The following ERBB4 variants were observed in gnomAD, a reference collection of about 807,000 sequenced individuals.
The protein encoded by ERBB4 is receptor tyrosine-protein kinase erbB-4.
Under a neutral mutation model 158.0 loss-of-function variants are expected in ERBB4, and 42 were observed. The observed-to-expected ratio is 0.27, with a 90% confidence interval of 0.21 to 0.34. The LOEUF is 0.34. Among genes scored for constraint, ERBB4 ranks in the 10% least tolerant of loss-of-function variants. The pLI is 1.00. For synonymous variants in ERBB4, 583 were observed against 558.7 expected, an observed-to-expected ratio of 1.04 and a Z score of -0.61; for missense variants, 1,333 against 1,624.1, an observed-to-expected ratio of 0.82 and a Z score of 3.08.
chr2:211,858,364 T>C (rs1400904235), intron 3 of ERBB4, among the ~76,000 whole-genome samples: 2 of 152,236 alleles, frequency 1.3e-5, no homozygotes. Context: ...TCCAATGTTT[T>C]TGACATATAA....
At chr2:212,131,152 C>T (rs542505060) in intron 1 of ERBB4, among the ~76,000 whole-genome samples, 112 of 152,210 alleles carry the variant, frequency 7.4e-4, no homozygotes, top group Non-Finnish European at 1.4e-3. Flanking sequence ...AAATACATCC[C>T]CAAATGGGTC....
At chr2:211,800,608 A>C (rs1324357784) in intron 3 of ERBB4, among the ~76,000 whole-genome samples, 1 of 151,684 alleles carries the variant, frequency 6.6e-6, no homozygotes, top group Non-Finnish European at 1.5e-5. Context: ...ATGGAGTTGA[A>C]AGGTAAAATT....
intron 7 of ERBB4, among the ~76,000 whole-genome samples, chr2:211,721,624 T>C (rs201102933): frequency 2.0e-5 from 1 of 49,290 alleles, no homozygotes; most frequent in Admixed American, 1.9e-4. Context: ...ATTAAACATA[T>C]ATATATATAT....
intron 19 of ERBB4, among the ~76,000 whole-genome samples, chr2:211,573,471 C>A (rs2067796328): frequency 6.6e-6 from 1 of 152,064 alleles, no homozygotes; most frequent in African/African-American, 2.4e-5. Context: ...GAGATCGAGA[C>A]CATCCTGGCT....
intron 19 of ERBB4, among the ~76,000 whole-genome samples, chr2:211,602,387 C>T (rs949379112): frequency 6.6e-6 from 1 of 152,024 alleles, no homozygotes; most frequent in African/African-American, 2.4e-5. Flanking sequence ...AGCAAGCCCC[C>T]TCACAATTAA....
At chr2:211,677,633 G>C (rs944876792) in intron 13 of ERBB4, among the ~76,000 whole-genome samples, 1 of 151,226 alleles carries the variant, frequency 6.6e-6, no homozygotes, top group East Asian at 1.9e-4. Flanking sequence ...CCAGCACTTT[G>C]GGAGGCTGAG....
chr2:212,262,680 C>A (rs1014832150), intron 1 of ERBB4, among the ~76,000 whole-genome samples: 2 of 151,978 alleles, frequency 1.3e-5, no homozygotes, highest in Non-Finnish European at 2.9e-5. Flanking sequence ...GGAATAAATC[C>A]ATTTTACAGC....
At chr2:211,434,235 A>T (rs1361049665) in intron 20 of ERBB4, among the ~76,000 whole-genome samples, 2 of 152,198 alleles carry the variant, frequency 1.3e-5, no homozygotes, top group Non-Finnish European at 2.9e-5. Context: ...TCACCAAAAA[A>T]TTTAAAACTC....
At chr2:212,299,431 A>G in intron 1 of ERBB4, among the ~76,000 whole-genome samples, 1 of 151,642 alleles carries the variant, frequency 6.6e-6, no homozygotes, top group East Asian at 1.9e-4. Context: ...AAAAGTATGT[A>G]AAGTACTCAT....
chr2:212,346,277 T>C (rs1452756643), intron 1 of ERBB4, among the ~76,000 whole-genome samples: 1 of 150,386 alleles, frequency 6.6e-6, no homozygotes, highest in African/African-American at 2.4e-5. Context: ...TCTAAGTATT[T>C]GATACCTATT....
intron 1 of ERBB4, among the ~76,000 whole-genome samples, chr2:212,438,410 C>T (rs1458832217): frequency 6.6e-6 from 1 of 152,054 alleles, no homozygotes; most frequent in Non-Finnish European, 1.5e-5. Flanking sequence ...AAATATCGAT[C>T]ATTTCCTTTA....
At chr2:211,494,144 AG>A (rs1329470525) in intron 20 of ERBB4, among the ~76,000 whole-genome samples, 1 of 152,094 alleles carries the variant, frequency 6.6e-6, no homozygotes, top group Non-Finnish European at 1.5e-5. Context: ...CTGTGACTAC[AG>A]GCAAGTGCTA....
At chr2:211,506,365 TAAC>T (rs1385136184) in intron 20 of ERBB4, among the ~76,000 whole-genome samples, 2 of 152,050 alleles carry the variant, frequency 1.3e-5, no homozygotes, top group Non-Finnish European at 2.9e-5. Context: ...GGCAGAAAGT[TAAC>T]AAGAAAACTC....
intron 3 of ERBB4, among the ~76,000 whole-genome samples, chr2:211,939,087 T>C (rs2080411385): frequency 6.6e-6 from 1 of 152,208 alleles, no homozygotes; most frequent in Non-Finnish European, 1.5e-5. Context: ...ATTCATGATA[T>C]ATTCAAGTAT....
intron 1 of ERBB4, among the ~76,000 whole-genome samples, chr2:212,380,456 CTGTGTGTGTG>C (rs6147158): frequency 1.5e-4 from 21 of 143,118 alleles, no homozygotes; most frequent in South Asian, 8.8e-4. Context: ...AGGAATGACT[CTGTGTGTGTG>C]TGTGTGTGTG....
Position 212,172,038 on chromosome 2 carries a change from A to C in ERBB4, c.83-47135T>G, listed in dbSNP as rs557047700. On this transcript the variant is annotated intron_variant, in intron 1 of 27. Transcript: ENST00000342788. The stretch of plus-strand genomic sequence containing the variant: ...TCTGTCCATCTGACAAAGGTGTGAT[A>C]CCTAGCATCTCTAAGGAATTTAAAC... Among the ~76,000 whole-genome samples, 813 of 152,266 alleles carry C rather than the reference A, an allele frequency of 5.3e-3. 7 individuals carry two copies. The highest frequency in any genetic ancestry group is 7.4e-3 in the Non-Finnish European group (504 of 68,020).
chr2:211,469,109 T>C (rs999480518), intron 20 of ERBB4, among the ~76,000 whole-genome samples: 8 of 152,046 alleles, frequency 5.3e-5, no homozygotes, highest in African/African-American at 1.9e-4. Context: ...AGGGAAACTC[T>C]GCTCGTAAGC....
At chr2:211,548,251 G>C (rs34070359) in intron 20 of ERBB4, among the ~76,000 whole-genome samples, 6,270 of 151,528 alleles carry the variant, frequency 0.041, 217 homozygotes, top group Middle Eastern at 0.099. Flanking sequence ...ATTCAACCAG[G>C]TGCTTTATCA....
chr2:211,834,483 TA>T (rs202064233), intron 3 of ERBB4, among the ~76,000 whole-genome samples: 38,883 of 144,908 alleles, frequency 0.27, 5,508 homozygotes, highest in East Asian at 0.42. Flanking sequence ...GTGGGTCACT[TA>T]AAAAAAAAAA....
Sources: gnomAD v4.1 joint callset for allele counts (sites outside exome capture counted in the v4.1 genomes callset) on GRCh38, gnomAD v4.1.1 for gene constraint, MANE v1.5 for transcripts, NCBI Gene and HGNC (gene_info 2026-07-23, HGNC 2026-07-21) for gene names.